PTPRM: variants seen among roughly 807,000 people sequenced by gnomAD.
PTPRM encodes protein tyrosine phosphatase receptor type M.
PTPRM carries 47 observed loss-of-function variants against 186.7 expected under a neutral mutation model. The ratio of observed to expected loss-of-function variants is 0.25; its 90% CI spans 0.20 to 0.32. The LOEUF is 0.32. Among genes scored for constraint, PTPRM ranks in the 10% least tolerant of loss-of-function variants. The probability of loss-of-function intolerance (pLI) is 1.00; values close to 1 mark genes in which losing one functional copy is unlikely to be tolerated. For synonymous variants in PTPRM, 668 were observed against 674.9 expected (o/e 0.99, Z 0.16); for missense variants, 1,494 against 1,865.0 (o/e 0.80, Z 3.66).
chr18:7,977,891 T>G (rs1351682049), intron 7 of PTPRM, among the ~76,000 whole-genome samples: 1 of 152,196 alleles, frequency 6.6e-6, no homozygotes, highest in Non-Finnish European at 1.5e-5. Context: ...TGATTAAGTC[T>G]CAGACTCCTC....
At chr18:7,812,120 A>G (rs1017030971) in intron 2 of PTPRM, among the ~76,000 whole-genome samples, 1 of 150,522 alleles carries the variant, frequency 6.6e-6, no homozygotes, top group Non-Finnish European at 1.5e-5. Flanking sequence ...GTTATTACCA[A>G]CTTTATCTCT....
chr18:8,319,898 A>T (rs2095334956), intron 22 of PTPRM, among the ~76,000 whole-genome samples: 1 of 152,166 alleles, frequency 6.6e-6, no homozygotes, highest in South Asian at 2.1e-4. Context: ...GAGCTAGAGG[A>T]CATGTTGAGG....
chr18:7,581,666 T>C (rs1251845374), intron 1 of PTPRM, among the ~76,000 whole-genome samples: 1 of 151,644 alleles, frequency 6.6e-6, no homozygotes, highest in Non-Finnish European at 1.5e-5. Flanking sequence ...CTTTTTTTTT[T>C]TTTTTTTGAG....
At chr18:8,031,521 C>CA (rs1485970622) in intron 7 of PTPRM, among the ~76,000 whole-genome samples, 3 of 152,006 alleles carry the variant, frequency 2.0e-5, no homozygotes, top group Non-Finnish European at 2.9e-5. Context: ...GCTAGTTCTG[C>CA]AAAAAAACTC....
At chr18:8,158,657 A>G (rs2093169847) in intron 14 of PTPRM, among the ~76,000 whole-genome samples, 1 of 152,196 alleles carries the variant, frequency 6.6e-6, no homozygotes, top group African/African-American at 2.4e-5. Context: ...ATTTATAAAG[A>G]AAAGAGGTTT....
intron 20 of PTPRM, among the ~76,000 whole-genome samples, chr18:8,307,261 G>A (rs2095231603): frequency 6.6e-6 from 1 of 152,144 alleles, no homozygotes; most frequent in Admixed American, 6.5e-5. Flanking sequence ...ATTAACTTGA[G>A]AAGTGCTGAC....
At chr18:7,713,458 C>G (rs1163760091) in intron 1 of PTPRM, among the ~76,000 whole-genome samples, 3 of 152,098 alleles carry the variant, frequency 2.0e-5, no homozygotes, top group Non-Finnish European at 4.4e-5. Context: ...GAAACTGCAT[C>G]AACTAACGGG....
intron 22 of PTPRM, among the ~76,000 whole-genome samples, chr18:8,330,566 A>G (rs2095406645): frequency 6.6e-6 from 1 of 152,194 alleles, no homozygotes; most frequent in Non-Finnish European, 1.5e-5. Context: ...GCATATGAAT[A>G]TAGGCTGTTC....
intron 31 of PTPRM, among the ~76,000 whole-genome samples, chr18:8,390,240 GACACGT>G (rs2095802510): frequency 6.6e-6 from 1 of 152,216 alleles, no homozygotes; most frequent in East Asian, 1.9e-4. Context: ...AGACTGCCTG[GACACGT>G]TGGTCTCCCT....
intron 19 of PTPRM, among the ~76,000 whole-genome samples, chr18:8,266,966 T>C (rs57692565): frequency 2.0e-5 from 3 of 152,158 alleles, no homozygotes; most frequent in African/African-American, 7.2e-5. Context: ...TTTTAAAAAC[T>C]TCTTCACTCC....
intron 1 of PTPRM, among the ~76,000 whole-genome samples, chr18:7,658,272 C>A (rs2038896984): frequency 6.7e-6 from 1 of 149,510 alleles, no homozygotes; most frequent in Admixed American, 6.7e-5. Context: ...CCAGCATGAT[C>A]CCTAGAAAGC....
intron 2 of PTPRM, among the ~76,000 whole-genome samples, chr18:7,829,701 G>T (rs2045663305): frequency 6.6e-6 from 1 of 152,056 alleles, no homozygotes; most frequent in African/African-American, 2.4e-5. Flanking sequence ...CTTTCATTTG[G>T]CCATATAAAA....
At chr18:8,260,167 A>G (rs1030856780) in intron 19 of PTPRM, among the ~76,000 whole-genome samples, 1 of 151,232 alleles carries the variant, frequency 6.6e-6, no homozygotes, top group Non-Finnish European at 1.5e-5. Context: ...CAGAAGGAGA[A>G]TTGCTTTTTT....
intron 1 of PTPRM, among the ~76,000 whole-genome samples, chr18:7,686,672 T>C (rs1415870049): frequency 1.1e-4 from 17 of 152,158 alleles, no homozygotes; most frequent in Non-Finnish European, 2.9e-5. Flanking sequence ...GAATATAAAC[T>C]ACAAAAATAA....
At chr18:8,063,199 C>T (rs574338238) in intron 7 of PTPRM, among the ~76,000 whole-genome samples, 200 of 151,210 alleles carry the variant, frequency 1.3e-3, no homozygotes, top group Non-Finnish European at 2.3e-3. Flanking sequence ...GCGCAGTATT[C>T]GGGTGGGAGT....
Position 7,662,062 on chromosome 18 carries a change from C to T in PTPRM, c.73+94171C>T, listed in dbSNP as rs9959214. ...TCTTCTGAATAGTGGGGACCACAGG[C>T]GGGTGCCACCGGTGGGTGCCACCAT... On this transcript the variant is annotated intron_variant, in intron 1 of 32. Coordinates refer to ENST00000580170, the MANE Select transcript of PTPRM (RefSeq NM_001105244.2). Among the ~76,000 whole-genome samples the T allele has an allele frequency of 7.3e-3, 1,113 of 152,094 alleles. 8 individuals carry two copies. Among genetic ancestry groups the T allele is most frequent in the African/African-American group, 0.025 (1,057 of 41,472 alleles).
chr18:7,726,060 C>A (rs1244130549), intron 1 of PTPRM, among the ~76,000 whole-genome samples: 1 of 152,170 alleles, frequency 6.6e-6, no homozygotes, highest in Non-Finnish European at 1.5e-5. Flanking sequence ...AAAGCGCTCG[C>A]CCCAGCTCCT....
intron 14 of PTPRM, among the ~76,000 whole-genome samples, chr18:8,169,543 A>C (rs1448942552): frequency 6.6e-6 from 1 of 152,190 alleles, no homozygotes; most frequent in South Asian, 2.1e-4. Flanking sequence ...ATTTAGACAT[A>C]GAAACAACAT....
chr18:8,111,764 A>T (rs2091766201), intron 11 of PTPRM, among the ~76,000 whole-genome samples: 1 of 152,226 alleles, frequency 6.6e-6, no homozygotes, highest in African/African-American at 2.4e-5. Flanking sequence ...TAATTCTCTC[A>T]TTTCGTAGGA....
Sources: gnomAD v4.1 joint callset for allele counts (sites outside exome capture counted in the v4.1 genomes callset) on GRCh38, gnomAD v4.1.1 for gene constraint, MANE v1.5 for transcripts, NCBI Gene and HGNC (gene_info 2026-07-23, HGNC 2026-07-21) for gene names.